Variants in GLIS3 observed in about 807,000 individuals in gnomAD.
GLIS3 encodes the protein zinc finger protein GLIS3.
In GLIS3, 53 loss-of-function variants were observed where a neutral mutation model predicts 78.6. That is an observed-to-expected ratio of 0.67 (90% confidence interval 0.54 to 0.85). The LOEUF is 0.85. Ranked by LOEUF, GLIS3 falls within the 40% of genes least tolerant of loss-of-function variation. The probability of loss-of-function intolerance (pLI) is 0.00; values close to 1 mark genes in which losing one functional copy is unlikely to be tolerated. For missense variants in GLIS3, 1,703 were observed against 1,231.1 expected, an observed-to-expected ratio of 1.38 and a Z score of -5.74; for synonymous variants, 684 against 509.9, an observed-to-expected ratio of 1.34 and a Z score of -4.60.
At chr9:4,384,923 T>G in the GLIS3 span, among the ~76,000 whole-genome samples, 2 of 151,638 alleles carry the variant, frequency 1.3e-5, no homozygotes. Context: ...GGGTCCTAAC[T>G]GTCATTGTAA....
the GLIS3 span, among the ~76,000 whole-genome samples, chr9:4,355,029 T>C: frequency 6.6e-6 from 1 of 151,476 alleles, no homozygotes. Flanking sequence ...AGTGGGAGAA[T>C]TGCTTGAACC....
chr9:4,104,390 A>C (rs1322388355), intron 4 of GLIS3, among the ~76,000 whole-genome samples: 1 of 152,158 alleles, frequency 6.6e-6, no homozygotes, highest in Non-Finnish European at 1.5e-5. Context: ...GATAGCCAGA[A>C]TCCAACCAGC....
the GLIS3 span, among the ~76,000 whole-genome samples, chr9:4,480,988 G>T: frequency 6.6e-6 from 1 of 152,020 alleles, no homozygotes; most frequent in Admixed American, 6.6e-5. Context: ...CAGAGTAGCT[G>T]GGGCCATGGG....
At chr9:4,124,209 G>C (rs1832397246) in intron 3 of GLIS3, among the ~76,000 whole-genome samples, 1 of 151,878 alleles carries the variant, frequency 6.6e-6, no homozygotes, top group Non-Finnish European at 1.5e-5. Flanking sequence ...AAATTCCATA[G>C]AAGGACTCAA....
At chr9:4,123,342 G>C (rs1586738191) in intron 3 of GLIS3, among the ~76,000 whole-genome samples, 1 of 152,082 alleles carries the variant, frequency 6.6e-6, no homozygotes, top group East Asian at 1.9e-4. Context: ...TTGCTAGTGA[G>C]TTCCTGCAGT....
At chr9:4,399,720 G>C in the GLIS3 span, among the ~76,000 whole-genome samples, 2 of 152,140 alleles carry the variant, frequency 1.3e-5, no homozygotes, top group African/African-American at 4.8e-5. Flanking sequence ...TAAGTAACAA[G>C]TAAAGTAGAC....
intron 4 of GLIS3, among the ~76,000 whole-genome samples, chr9:4,104,172 A>G (rs1013717231): frequency 3.9e-5 from 6 of 152,138 alleles, no homozygotes; most frequent in African/African-American, 1.4e-4. Flanking sequence ...TCTGATCTCC[A>G]GATTCACTAT....
intron 2 of GLIS3, among the ~76,000 whole-genome samples, chr9:4,144,206 C>G (rs1293121629): frequency 6.6e-6 from 1 of 151,614 alleles, no homozygotes; most frequent in African/African-American, 2.4e-5. Context: ...ACACCTCCGT[C>G]CAAAGGAGGA....
At chr9:4,064,816 T>C (rs1216258626) in intron 4 of GLIS3, among the ~76,000 whole-genome samples, 1 of 152,162 alleles carries the variant, frequency 6.6e-6, no homozygotes, top group Non-Finnish European at 1.5e-5. Flanking sequence ...GGAAGTAGGC[T>C]TCAAACTGAA....
At chr9:4,382,541 C>T in the GLIS3 span, among the ~76,000 whole-genome samples, 2 of 152,190 alleles carry the variant, frequency 1.3e-5, no homozygotes, top group South Asian at 2.1e-4. Context: ...TTCTTTTGTT[C>T]TCTGACTTCT....
At chr9:4,263,329 A>G (rs1825698863) in intron 2 of GLIS3, among the ~76,000 whole-genome samples, 1 of 152,222 alleles carries the variant, frequency 6.6e-6, no homozygotes, top group African/African-American at 2.4e-5. Context: ...GTAGACAATT[A>G]TTAAGAACTA....
At chr9:4,418,271 A>T in the GLIS3 span, among the ~76,000 whole-genome samples, 2 of 152,234 alleles carry the variant, frequency 1.3e-5, no homozygotes, top group Non-Finnish European at 2.9e-5. Flanking sequence ...TGTATTGCAA[A>T]AAAAGAGACT....
chr9:4,032,057 G>A (rs887848078), intron 4 of GLIS3, among the ~76,000 whole-genome samples: 1 of 152,094 alleles, frequency 6.6e-6, no homozygotes, highest in African/African-American at 2.4e-5. Context: ...GGATCAGGAG[G>A]TCAGACAAAG....
At chr9:4,344,784 G>A (rs1587396674) in intron 2 of GLIS3, among the ~76,000 whole-genome samples, 1 of 152,270 alleles carries the variant, frequency 6.6e-6, no homozygotes, top group African/African-American at 2.4e-5. Flanking sequence ...CCCCACTGCA[G>A]GAAGTAGCAC....
intron 2 of GLIS3, among the ~76,000 whole-genome samples, chr9:4,258,990 T>C (rs2129983846): frequency 6.6e-6 from 1 of 152,234 alleles, no homozygotes; most frequent in Middle Eastern, 3.4e-3. Flanking sequence ...TAGCAAACCA[T>C]TTTACTCCAG....
At chr9:4,056,193 A>C (rs1372487976) in intron 4 of GLIS3, among the ~76,000 whole-genome samples, 1 of 152,234 alleles carries the variant, frequency 6.6e-6, no homozygotes, top group Non-Finnish European at 1.5e-5. Context: ...GTGTCCTGCA[A>C]AGTAGAATTT....
chr9:4,003,362 G>A (rs982248873), intron 4 of GLIS3, among the ~76,000 whole-genome samples: 1 of 152,150 alleles, frequency 6.6e-6, no homozygotes, highest in East Asian at 1.9e-4. Context: ...AGAGAAAGAG[G>A]ACAGAGATAG....
At chr9:4,309,500 C>T (rs1341561831) in intron 3 of GLIS3, among the ~76,000 whole-genome samples, 1 of 151,826 alleles carries the variant, frequency 6.6e-6, no homozygotes, top group African/African-American at 2.4e-5. Flanking sequence ...TGACAGGTTA[C>T]AGAAGGTCAT....
At chr9:3,952,576 A>G (rs1414776287) in intron 4 of GLIS3, among the ~76,000 whole-genome samples, 1 of 152,190 alleles carries the variant, frequency 6.6e-6, no homozygotes, top group Non-Finnish European at 1.5e-5. Context: ...CAGTGCCTGG[A>G]ACTTGCCAGG....
Sources: allele counts gnomAD v4.1 joint callset (sites outside exome capture counted in the v4.1 genomes callset), GRCh38; gene constraint gnomAD v4.1.1; transcripts MANE v1.5; gene names NCBI Gene and HGNC (gene_info 2026-07-23, HGNC 2026-07-21).